MINDY4B: variants seen among roughly 807,000 people sequenced by gnomAD.
MINDY4B encodes the protein inactive ubiquitin carboxyl-terminal hydrolase MINDY-4B.
In MINDY4B, 25 loss-of-function variants were observed where a neutral mutation model predicts 16.7. That is an observed-to-expected ratio of 1.49 (90% CI 1.09 to 2.09). The LOEUF (loss-of-function observed/expected upper bound fraction) is 2.09. Ranked by LOEUF, MINDY4B falls within the 30% of genes most tolerant of loss-of-function variation. MINDY4B has a pLI of 0.00. For synonymous variants in MINDY4B, 132 were observed against 61.9 expected, an observed-to-expected ratio of 2.13 and a Z score of -5.32; for missense variants, 327 against 168.4, an observed-to-expected ratio of 1.94 and a Z score of -5.21.
intron 2 of MINDY4B, among the ~76,000 whole-genome samples, chr3:150,904,027 T>C (rs1712180625): frequency 6.6e-6 from 1 of 152,248 alleles, no homozygotes; most frequent in African/African-American, 2.4e-5. Context: ...GTGCAACAAA[T>C]CTGTCCTATT....
At chr3:150,902,220 C>T (rs1453798473) in intron 3 of MINDY4B, among the ~76,000 whole-genome samples, 2 of 151,986 alleles carry the variant, frequency 1.3e-5, no homozygotes, top group Non-Finnish European at 2.9e-5. Flanking sequence ...TGGTCTTTGC[C>T]CAGATGCCTA....
In MINDY4B at chr3:150,880,906, A is replaced by C. The variant is rs182860121; in HGVS notation, c.1059+1991T>G. Among the ~76,000 whole-genome samples the C allele has an allele frequency of 4.0e-3, 603 of 152,336 alleles. 8 individuals are homozygous for C. The highest frequency in any genetic ancestry group is 0.014 in the African/African-American group (587 of 41,586). ...AAGAAAAGAAAAATATGTAAAATGA[A>C]ATCTATAAATCCTCTATTTCTGGCT... On this transcript the variant is annotated intron_variant, in intron 10 of 11. Coordinates refer to ENST00000465419, the MANE Select transcript of MINDY4B (RefSeq NM_001351281.2).
chr3:150,883,228 T>C (rs1345703460), intron 9 of MINDY4B, among the ~76,000 whole-genome samples, 170 bp from the exon 10 acceptor site: 4 of 152,178 alleles, frequency 2.6e-5, no homozygotes. Context: ...AAAACAATCA[T>C]TTATTAGCTT....
In MINDY4B at chr3:150,902,287, G is replaced by T. The variant is rs1207609570; in HGVS notation, c.309+962C>A. ...ATGTGTGACAGCATGTCCTCAGGAA[G>T]AAGGTCCCTCTTCCAACTCTCATTC... On this transcript the variant is annotated intron_variant, in intron 3 of 11. Coordinates refer to ENST00000465419, the MANE Select transcript of MINDY4B (RefSeq NM_001351281.2). Among the ~76,000 whole-genome samples the T allele has an allele frequency of 2.0e-5, 3 of 152,224 alleles. No homozygotes were observed. The East Asian group carries it at 5.8e-4, about 29-fold the overall frequency.
In MINDY4B at chr3:150,870,504, CT is replaced by C. The variant is rs1426332285; in HGVS notation, c.*540del. 1.3e-5 allele frequency among the ~76,000 whole-genome samples: 2 copies of C among 152,208 alleles called. No individual in the cohort carries two copies. Among genetic ancestry groups the C allele is most frequent in the African/African-American group, 2.4e-5 (1 of 41,466 alleles). On this transcript the variant is annotated 3_prime_UTR_variant, in exon 12 of 12. Coordinates refer to ENST00000465419, the MANE Select transcript of MINDY4B (RefSeq NM_001351281.2). ...GTCAGCCTACCAGGAATAACCCCTG[CT>C]TCAAACCCCAAGAAGCCCATTTACT...
intron 7 of MINDY4B, among the ~76,000 whole-genome samples, chr3:150,886,350 TG>T (rs34987773): frequency 0.011 from 1,621 of 152,346 alleles, 14 homozygotes; most frequent in Middle Eastern, 0.017. Flanking sequence ...GTATCCGTTT[TG>T]CTATGTGTGA....
chr3:150,888,398 G>T (rs1187050250), intron 7 of MINDY4B, among the ~76,000 whole-genome samples: 1 of 152,018 alleles, frequency 6.6e-6, no homozygotes. Context: ...CAGGTACCAG[G>T]GGAGGGGGTC....
chr3:150,900,905 G>A (rs1405020298), intron 3 of MINDY4B, among the ~76,000 whole-genome samples: 1 of 152,186 alleles, frequency 6.6e-6, no homozygotes, highest in Non-Finnish European at 1.5e-5. Flanking sequence ...TAAAATTTGT[G>A]TGTGTGTTTA....
chr3:150,904,212 G>A lies in MINDY4B; in HGVS notation c.142-796C>T, dbSNP rs573808212. Among the ~76,000 whole-genome samples, 10 of 152,234 alleles carry A rather than the reference G, an allele frequency of 6.6e-5. No homozygotes were observed. The South Asian group carries it at 1.2e-3, about 19-fold the overall frequency. On this transcript the variant is annotated intron_variant, in intron 2 of 11. Transcript: ENST00000465419. ...TTTGTGCCAATGGGTTTTTCCCACC[G>A]TGTGTAAAGCATAACTTGACTTTTT...
intron 10 of MINDY4B, among the ~76,000 whole-genome samples, chr3:150,875,459 G>C (rs1711496099): frequency 6.6e-6 from 1 of 152,130 alleles, no homozygotes; most frequent in African/African-American, 2.4e-5. Context: ...AAATTAGTCT[G>C]GGTAGGTGTA....
chr3:150,893,385 G>C lies in MINDY4B; in HGVS notation c.460C>G (p.Gln154Glu), dbSNP rs1334203640. The change falls in exon 5 of 12, where the codon CAA (glutamine) becomes GAA (glutamate). Residue 154 changes from glutamine to glutamate, a missense_variant. Physicochemically the swap from Gln to Glu is conservative, Grantham distance 29. Coordinates refer to ENST00000465419, the MANE Select transcript of MINDY4B (RefSeq NM_001351281.2). ...GGARSIQMAV[Q>E]GSIIKYLLFT... ...AACAAGTATTTGATGATGGATCCTT[G>C]CACAGCCATCTGAATGCTTCGGGCC... The C allele has an allele frequency of 1.4e-6, 1 of 702,590 alleles. No individual in the cohort carries two copies. Among genetic ancestry groups the C allele is most frequent in the Non-Finnish European group, 2.6e-6 (1 of 384,822 alleles). 43.5% of individuals were successfully genotyped at this position (702,590 alleles called of 1,614,324 possible).
Position 150,893,337 on chromosome 3 carries a change from A to G in MINDY4B, c.508T>C (p.Cys170Arg). 1.4e-6 allele frequency: 1 copy of G among 702,830 alleles called. No homozygotes were observed. Among genetic ancestry groups the G allele is most frequent in the Non-Finnish European group, 2.6e-6 (1 of 384,836 alleles). The allele number at this position is 702,830 out of a possible 1,614,324, so 43.5% of individuals were successfully genotyped here. ...YLLFTRKGKD[C>R]NLGNLCEISK... Reference sequence around the variant, plus strand: ...CAGTCCTCTTACTTGCCAAGGTTACAGTCTTTTCCTTTCCTGGTAAACAAC... The same window carrying G: ...CAGTCCTCTTACTTGCCAAGGTTACGGTCTTTTCCTTTCCTGGTAAACAAC... Residue 170 changes from cysteine to arginine, a missense_variant, in exon 5 of 12, where the codon TGT becomes CGT. Cys to Arg is a radical substitution (Grantham distance 180). Coordinates refer to ENST00000465419, the MANE Select transcript of MINDY4B (RefSeq NM_001351281.2).
chr3:150,885,477 G>A (rs762785841), intron 7 of MINDY4B, 39 bp from the exon 8 acceptor site: 18 of 693,734 alleles, frequency 2.6e-5, no homozygotes, highest in Non-Finnish European at 4.7e-5. Flanking sequence ...TGGTCTAAAA[G>A]CAACACAGAC....
At position 150,905,412 on chromosome 3, in the gene MINDY4B, G is replaced by A. The variant is rs899139148; in HGVS notation, c.28C>T (p.Gln10Ter). Residue 10 changes from glutamine (Q) to a stop codon, truncating the protein, a stop_gained, in exon 1 of 12, where the codon CAA (glutamine) becomes TAA (stop). Transcript: ENST00000465419. LOFTEE classifies it high-confidence loss of function. Reference sequence around the variant, plus strand: ...TCTAAATCCAGCTGTTCGGAGCTTTGTTCCTGGCCCAAGACCTCCATATCC... The same window carrying A: ...TCTAAATCCAGCTGTTCGGAGCTTTATTCCTGGCCCAAGACCTCCATATCC... MDMEVLGQE[Q>*]SSEQLDLEEI... 2.5e-6 allele frequency: 1 copy of A among 398,470 alleles called. No individual in the cohort carries two copies. Among genetic ancestry groups the A allele is most frequent in the Admixed American group, 4.4e-5 (1 of 22,732 alleles). The allele number at this position is 398,470 out of a possible 1,614,324, so 24.7% of individuals were successfully genotyped here.
Position 150,894,204 on chromosome 3 carries a change from G to T in MINDY4B, c.411C>A (p.Phe137Leu). 1 of 698,768 alleles carries T rather than the reference G, an allele frequency of 1.4e-6. No individual in the cohort carries two copies. The highest frequency in any genetic ancestry group is 2.0e-5 in the Admixed American group (1 of 48,878). 43.3% of individuals were successfully genotyped at this position (698,768 alleles called of 1,614,324 possible). Reference protein sequence around the residue: ...RFHDPSSELAFTLEVGKGGAR... With the variant: ...RFHDPSSELALTLEVGKGGAR... ...CTATTACCTTTCCCACTTCCAGAGT[G>T]AAAGCTAGTTCAGAAGAAGGATCAT... Residue 137 changes from phenylalanine to leucine, a missense_variant, in exon 4 of 12, where the codon TTC (phenylalanine) becomes TTA (leucine). Coordinates refer to ENST00000465419, the MANE Select transcript of MINDY4B (RefSeq NM_001351281.2).
Position 150,882,887 on chromosome 3 carries a change from A to G in MINDY4B, c.1059+10T>C. The G allele has an allele frequency of 2.9e-6, 2 of 699,400 alleles. No homozygotes were observed. The highest frequency in any genetic ancestry group is 1.5e-5 in the South Asian group (1 of 67,118). 43.3% of individuals were successfully genotyped at this position (699,400 alleles called of 1,614,324 possible). On this transcript the variant is annotated intron_variant, in intron 10 of 11. Coordinates refer to ENST00000465419, the MANE Select transcript of MINDY4B (RefSeq NM_001351281.2). Reference sequence around the variant, plus strand: ...TCTGGTTGTGTGGTTGAGGACTGGAACACACTCACCTGTGAGAGTCTGTCA... The same window carrying G: ...TCTGGTTGTGTGGTTGAGGACTGGAGCACACTCACCTGTGAGAGTCTGTCA...
At position 150,893,405 on chromosome 3, in the gene MINDY4B, C is replaced by T. The variant is rs950159673; in HGVS notation, c.440G>A (p.Arg147Gln). The part of the protein sequence containing the change: ...FTLEVGKGGA[R>Q]SIQMAVQGSI... ...TCCTTGCACAGCCATCTGAATGCTT[C>T]GGGCCCCTCCCTGAAATGAGGAGAA... Residue 147 changes from arginine (R) to glutamine (Q), a missense_variant, in exon 5 of 12, where the codon CGA becomes CAA. Physicochemically the swap from Arg to Gln is conservative, Grantham distance 43. Transcript: ENST00000465419. 16 of 702,638 alleles carry T rather than the reference C, an allele frequency of 2.3e-5. No individual in the cohort carries two copies. The highest frequency in any genetic ancestry group is 3.0e-5 in the South Asian group (2 of 67,592). The allele number at this position is 702,638 out of a possible 1,614,324, so 43.5% of individuals were successfully genotyped here. A position where few individuals can be genotyped will look rare whatever the true frequency, so the allele number is the denominator to read the frequency against.
At chr3:150,903,186 C>T in intron 3 of MINDY4B, 63 bp downstream of exon 3, 1 of 398,048 alleles carries the variant, frequency 2.5e-6, no homozygotes. Flanking sequence ...ATAAGATTCC[C>T]CAGCCTTGTT....
chr3:150,882,755 C>CTG, intron 10 of MINDY4B, 142 bp downstream of exon 10: 1 of 426,488 alleles, frequency 2.3e-6, no homozygotes, highest in South Asian at 7.3e-5. Context: ...CCCTGAATGT[C>CTG]TGTGTGTGGC....
Sources: allele counts gnomAD v4.1 joint callset (sites outside exome capture counted in the v4.1 genomes callset), GRCh38; gene constraint gnomAD v4.1.1; transcripts MANE v1.5; gene names NCBI Gene and HGNC (gene_info 2026-07-23, HGNC 2026-07-21).